The following DIP2B variants were observed in gnomAD, a reference collection of about 807,000 sequenced individuals.
DIP2B encodes the protein DIP2 acetate--CoA ligase B (putative), also known as disco-interacting protein 2 homolog B.
A neutral mutation model predicts 198.0 loss-of-function variants in DIP2B; 76 were observed. The observed-to-expected ratio is 0.38, with a 90% CI of 0.32 to 0.46. DIP2B has a LOEUF of 0.46. DIP2B is among the 20% of genes least tolerant of loss of function. The pLI, the probability that DIP2B is intolerant of heterozygous loss-of-function variation, is 0.99. For missense variants in DIP2B, 1,559 were observed against 1,978.4 expected, an observed-to-expected ratio of 0.79 and a Z score of 4.02; for synonymous variants, 701 against 739.1, an observed-to-expected ratio of 0.95 and a Z score of 0.84.
chr12:50,689,092 G>T (rs1207032601), intron 12 of DIP2B, among the ~76,000 whole-genome samples: 2 of 152,126 alleles, frequency 1.3e-5, no homozygotes, highest in Non-Finnish European at 2.9e-5. Flanking sequence ...TATCTGGACT[G>T]GTTGGGTTAA....
At chr12:50,581,921 C>G (rs1958727694) in intron 1 of DIP2B, among the ~76,000 whole-genome samples, 1 of 152,024 alleles carries the variant, frequency 6.6e-6, no homozygotes, top group South Asian at 2.1e-4. Flanking sequence ...CAGAATGTAG[C>G]CTTTAATACT....
chr12:50,623,749 CCATTATT>C (rs1305964360), intron 1 of DIP2B, among the ~76,000 whole-genome samples: 1 of 151,996 alleles, frequency 6.6e-6, no homozygotes, highest in Non-Finnish European at 1.5e-5. Flanking sequence ...GATTACTTGC[CCATTATT>C]ATATAGATTA....
chr12:50,558,304 G>A (rs992626445), intron 1 of DIP2B, among the ~76,000 whole-genome samples: 9 of 152,194 alleles, frequency 5.9e-5, no homozygotes, highest in Non-Finnish European at 1.2e-4. Flanking sequence ...TACCCTTAGG[G>A]GTAGCACAAG....
At chr12:50,735,958 A>G (rs1940131992) in intron 34 of DIP2B, among the ~76,000 whole-genome samples, 1 of 152,244 alleles carries the variant, frequency 6.6e-6, no homozygotes, top group African/African-American at 2.4e-5. Context: ...TAAAACGTCA[A>G]AAGAGAGATT....
intron 1 of DIP2B, among the ~76,000 whole-genome samples, chr12:50,515,713 A>C (rs1593570394): frequency 6.6e-6 from 1 of 152,178 alleles, no homozygotes; most frequent in Non-Finnish European, 1.5e-5. Context: ...AGAGATAAGT[A>C]ATCTTATCTG....
At chr12:50,646,133 A>T (rs552902201) in intron 3 of DIP2B, among the ~76,000 whole-genome samples, 16 of 151,572 alleles carry the variant, frequency 1.1e-4, no homozygotes, top group Non-Finnish European at 1.5e-4. Flanking sequence ...ATTTTATTTT[A>T]TTTTTTTTGA....
chr12:50,546,692 C>T (rs920228595), intron 1 of DIP2B, among the ~76,000 whole-genome samples: 2 of 152,108 alleles, frequency 1.3e-5, no homozygotes, highest in African/African-American at 4.8e-5. Context: ...AATAGGTGCC[C>T]AGTAAATGTT....
intron 1 of DIP2B, among the ~76,000 whole-genome samples, chr12:50,602,521 T>C (rs1212258333): frequency 6.6e-6 from 1 of 152,198 alleles, no homozygotes; most frequent in Non-Finnish European, 1.5e-5. Flanking sequence ...CCTCCCAAAG[T>C]GCTGAGATTA....
chr12:50,682,445 C>T (rs1247765567), intron 9 of DIP2B, among the ~76,000 whole-genome samples: 1 of 151,788 alleles, frequency 6.6e-6, no homozygotes, highest in Non-Finnish European at 1.5e-5. Context: ...CTGGCTAACA[C>T]GGTGAAACCC....
chr12:50,640,781 C>A lies in DIP2B; in HGVS notation c.230C>A (p.Ala77Asp). ...LRNQTPAPSA[A>D]QTSAPSKYHR... ...AACCAGACACCTGCTCCATCTGCAG[C>A]TCAAACTTCTGCTCCCTCTAAGTAC... is the stretch of plus-strand genomic sequence containing the variant. Residue 77 changes from alanine to aspartate, a missense_variant, in exon 3 of 38, where the codon GCT (alanine) becomes GAT (aspartate). Ala to Asp is a moderately radical substitution (Grantham distance 126). Transcript: ENST00000301180. 6.2e-7 allele frequency: 1 copy of A among 1,614,054 alleles called. No homozygotes were observed. The highest frequency in any genetic ancestry group is 8.5e-7 in the Non-Finnish European group (1 of 1,179,926).
chr12:50,566,991 A>AAAAAAAT, intron 1 of DIP2B, among the ~76,000 whole-genome samples: 1 of 150,798 alleles, frequency 6.6e-6, no homozygotes, highest in Non-Finnish European at 1.5e-5. Context: ...AAAAAAAAAA[A>AAAAAAAT]AGAAAGAAAG....
At chr12:50,642,126 G>A (rs1409872848) in intron 3 of DIP2B, among the ~76,000 whole-genome samples, 1 of 151,552 alleles carries the variant, frequency 6.6e-6, no homozygotes, top group East Asian at 1.9e-4. Flanking sequence ...ATGTTCAGTC[G>A]GGAAAAAAAA....
intron 1 of DIP2B, among the ~76,000 whole-genome samples, chr12:50,565,470 G>A (rs141900664): frequency 0.04 from 6,107 of 152,174 alleles, 409 homozygotes; most frequent in African/African-American, 0.14. Context: ...TAATTGTTTT[G>A]TATTTTTAGT....
chr12:50,601,837 A>G (rs1349891025), intron 1 of DIP2B, among the ~76,000 whole-genome samples: 1 of 152,108 alleles, frequency 6.6e-6, no homozygotes, highest in Non-Finnish European at 1.5e-5. Context: ...ACCCTATCTC[A>G]TGCCCAGCTT....
At chr12:50,586,024 C>A (rs1258938142) in intron 1 of DIP2B, among the ~76,000 whole-genome samples, 2 of 152,210 alleles carry the variant, frequency 1.3e-5, no homozygotes, top group Non-Finnish European at 2.9e-5. Flanking sequence ...TTCCCACAAA[C>A]ACATGGCATT....
intron 1 of DIP2B, among the ~76,000 whole-genome samples, chr12:50,618,750 C>T (rs1187008363): frequency 1.3e-5 from 2 of 152,120 alleles, no homozygotes; most frequent in African/African-American, 4.8e-5. Context: ...CCTGATAGGG[C>T]TGTTGTGAGG....
intron 20 of DIP2B, among the ~76,000 whole-genome samples, chr12:50,705,913 A>AATGAAT (rs1433095237): frequency 7.9e-5 from 12 of 152,358 alleles, no homozygotes; most frequent in African/African-American, 2.9e-4. Flanking sequence ...GTAATGAATG[A>AATGAAT]GAAAAGTTAA....
intron 1 of DIP2B, among the ~76,000 whole-genome samples, chr12:50,553,132 G>A (rs1440799150): frequency 2.0e-5 from 3 of 152,150 alleles, no homozygotes; most frequent in Admixed American, 6.5e-5. Flanking sequence ...CACTGCACCC[G>A]GCCTGAGTTA....
At chr12:50,712,863 A>G (rs1565879406) in intron 22 of DIP2B, among the ~76,000 whole-genome samples, 1 of 152,192 alleles carries the variant, frequency 6.6e-6, no homozygotes, top group East Asian at 1.9e-4. Flanking sequence ...AGCTGAGATC[A>G]CGCCATCGGA....
Sources: allele counts gnomAD v4.1 joint callset (sites outside exome capture counted in the v4.1 genomes callset), GRCh38; gene constraint gnomAD v4.1.1; transcripts MANE v1.5; gene names NCBI Gene and HGNC (gene_info 2026-07-23, HGNC 2026-07-21).